The following CNTNAP2 variants were observed in gnomAD, a reference collection of about 807,000 sequenced individuals.
CNTNAP2 encodes contactin associated protein 2.
In CNTNAP2, 98 loss-of-function variants were observed where a neutral mutation model predicts 155.2. The ratio of observed to expected loss-of-function variants is 0.63; its 90% CI spans 0.54 to 0.75. CNTNAP2 has a LOEUF of 0.75. Ranked by LOEUF, CNTNAP2 falls within the 30% of genes least tolerant of loss-of-function variation. The probability of loss-of-function intolerance (pLI) is 0.00; values close to 1 mark genes in which losing one functional copy is unlikely to be tolerated. For missense variants in CNTNAP2, 1,727 were observed against 1,688.1 expected, an observed-to-expected ratio of 1.02 and a Z score of -0.40; for synonymous variants, 651 against 631.2, an observed-to-expected ratio of 1.03 and a Z score of -0.47.
At chr7:146,742,763 T>C (rs188380571) in intron 1 of CNTNAP2, among the ~76,000 whole-genome samples, 66 of 152,288 alleles carry the variant, frequency 4.3e-4, no homozygotes, top group Non-Finnish European at 9.0e-4. Context: ...GTTTAAACGA[T>C]TAGTACTGTA....
chr7:146,316,923 G>C (rs144914211), intron 1 of CNTNAP2, among the ~76,000 whole-genome samples: 3 of 151,446 alleles, frequency 2.0e-5, no homozygotes, highest in African/African-American at 7.3e-5. Flanking sequence ...GAAGCATAGG[G>C]GCCTTGTTCA....
intron 14 of CNTNAP2, among the ~76,000 whole-genome samples, chr7:147,957,939 G>C (rs1428072272): frequency 1.3e-5 from 2 of 152,066 alleles, no homozygotes; most frequent in Non-Finnish European, 2.9e-5. Flanking sequence ...GCCAGGTGTG[G>C]TGTCATGCAC....
At chr7:146,800,213 T>A in intron 2 of CNTNAP2, among the ~76,000 whole-genome samples, 1 of 152,136 alleles carries the variant, frequency 6.6e-6, no homozygotes, top group East Asian at 1.9e-4. Flanking sequence ...GGGACTTTTT[T>A]ACTGAAGTTT....
intron 3 of CNTNAP2, among the ~76,000 whole-genome samples, chr7:147,014,752 A>C (rs1256022127): frequency 6.6e-6 from 1 of 152,138 alleles, no homozygotes; most frequent in African/African-American, 2.4e-5. Context: ...GAAAGGCCTC[A>C]AATCTTGCCA....
At chr7:147,517,092 A>T (rs1584785740) in intron 11 of CNTNAP2, among the ~76,000 whole-genome samples, 1 of 151,388 alleles carries the variant, frequency 6.6e-6, no homozygotes. Flanking sequence ...CTGGTCTCCA[A>T]CTCCTGACCT....
At chr7:148,369,379 A>G (rs908505251) in intron 21 of CNTNAP2, among the ~76,000 whole-genome samples, 2 of 151,202 alleles carry the variant, frequency 1.3e-5, no homozygotes, top group Non-Finnish European at 2.9e-5. Context: ...GTGCCACTAC[A>G]CCCGGCTAAT....
In CNTNAP2 at chr7:146,863,372, T is replaced by C. The variant is rs903122977; in HGVS notation, c.402+23468T>C. Among the ~76,000 whole-genome samples the C allele has an allele frequency of 5.3e-5, 8 of 152,126 alleles. No homozygotes were observed. In the East Asian group the frequency reaches 5.8e-4, roughly 11 times the overall value. On this transcript the variant is annotated intron_variant, in intron 3 of 23. Transcript: ENST00000361727. ...TCATGCTACCAAGAACTTTATTCAA[T>C]TGAGATGAAGAGTTATCAATAGCTG...
chr7:146,530,897 C>A (rs1456424460), intron 1 of CNTNAP2, among the ~76,000 whole-genome samples: 2 of 152,202 alleles, frequency 1.3e-5, no homozygotes, highest in Non-Finnish European at 2.9e-5. Context: ...GAATATAAGT[C>A]ATTCTACCAT....
intron 3 of CNTNAP2, among the ~76,000 whole-genome samples, chr7:146,965,573 T>C (rs972172213): frequency 2.6e-5 from 4 of 151,946 alleles, no homozygotes; most frequent in Admixed American, 1.3e-4. Context: ...TTGAAAATTT[T>C]GGGTACAAGC....
At chr7:147,625,632 T>C (rs1330190180) in intron 12 of CNTNAP2, among the ~76,000 whole-genome samples, 6 of 152,320 alleles carry the variant, frequency 3.9e-5, no homozygotes, top group Middle Eastern at 3.4e-3. Context: ...GTGGGCAAGA[T>C]GGCAGATAGG....
chr7:147,871,815 A>G (rs934280667), intron 13 of CNTNAP2, among the ~76,000 whole-genome samples: 4 of 151,818 alleles, frequency 2.6e-5, no homozygotes, highest in Non-Finnish European at 4.4e-5. Flanking sequence ...ATTTTGCACA[A>G]TTTGCACAGG....
intron 1 of CNTNAP2, among the ~76,000 whole-genome samples, chr7:146,763,107 G>A (rs1488807688): frequency 6.6e-6 from 1 of 152,240 alleles, no homozygotes; most frequent in East Asian, 1.9e-4. Flanking sequence ...AGCAAAGTTG[G>A]CTTCCATCCC....
chr7:146,808,221 T>C (rs1803002804), intron 2 of CNTNAP2, among the ~76,000 whole-genome samples: 1 of 152,202 alleles, frequency 6.6e-6, no homozygotes, highest in South Asian at 2.1e-4. Flanking sequence ...CCTCACAATA[T>C]ACAAAATTAA....
At chr7:146,306,037 A>G (rs529790742) in intron 1 of CNTNAP2, among the ~76,000 whole-genome samples, 1 of 152,274 alleles carries the variant, frequency 6.6e-6, no homozygotes, top group East Asian at 1.9e-4. Flanking sequence ...AGAATCAAAT[A>G]GACGCAATAA....
At chr7:148,031,156 CCA>C (rs926392782) in intron 15 of CNTNAP2, among the ~76,000 whole-genome samples, 58 of 152,300 alleles carry the variant, frequency 3.8e-4, no homozygotes, top group Non-Finnish European at 6.3e-4. Context: ...CCTTACCCTT[CCA>C]CAGAGACTGA....
chr7:147,974,773 T>C (rs35532189), intron 14 of CNTNAP2, among the ~76,000 whole-genome samples: 19,570 of 152,048 alleles, frequency 0.13, 1,963 homozygotes, highest in African/African-American at 0.29. Context: ...TCCACTAAAA[T>C]TAAACATGTG....
intron 21 of CNTNAP2, among the ~76,000 whole-genome samples, chr7:148,352,897 T>C (rs987117847): frequency 6.6e-6 from 1 of 152,194 alleles, no homozygotes; most frequent in Non-Finnish European, 1.5e-5. Flanking sequence ...CAAGTTCCCT[T>C]CTTTACCTTT....
chr7:146,752,043 G>C (rs1296051026), intron 1 of CNTNAP2, among the ~76,000 whole-genome samples: 1 of 152,012 alleles, frequency 6.6e-6, no homozygotes, highest in Non-Finnish European at 1.5e-5. Context: ...CATTTCTGTT[G>C]GTTCCAGGTC....
At chr7:147,981,558 T>C (rs1390502141) in intron 15 of CNTNAP2, among the ~76,000 whole-genome samples, 1 of 152,202 alleles carries the variant, frequency 6.6e-6, no homozygotes, top group Non-Finnish European at 1.5e-5. Flanking sequence ...CCTCTTGAAT[T>C]AGGCCCCAGT....
Sources: gnomAD v4.1 joint callset for allele counts (sites outside exome capture counted in the v4.1 genomes callset) on GRCh38, gnomAD v4.1.1 for gene constraint, MANE v1.5 for transcripts, NCBI Gene and HGNC (gene_info 2026-07-23, HGNC 2026-07-21) for gene names.